The following MTSS2 variants were observed in gnomAD, a reference collection of about 807,000 sequenced individuals.
MTSS2 encodes the protein protein MTSS 2.
A neutral mutation model predicts 67.1 loss-of-function variants in MTSS2; 27 were observed. The observed-to-expected ratio is 0.40, with a 90% confidence interval of 0.30 to 0.55. The LOEUF (loss-of-function observed/expected upper bound fraction) is 0.55, where lower values mean the gene tolerates loss of function less well. MTSS2 is among the 20% of genes least tolerant of loss of function. The probability of loss-of-function intolerance (pLI) is 0.43; values close to 1 mark genes in which losing one functional copy is unlikely to be tolerated. For missense variants in MTSS2, 1,171 were observed against 1,067.8 expected (o/e 1.10, Z -1.35); for synonymous variants, 624 against 468.6 (o/e 1.33, Z -4.28).
chr16:70,667,847 T>G (rs1012985455), intron 11 of MTSS2, among the ~76,000 whole-genome samples: 1 of 151,998 alleles, frequency 6.6e-6, no homozygotes, highest in East Asian at 1.9e-4. Flanking sequence ...CACTCCAGCC[T>G]GGGTGACAGA....
chr16:70,662,660 C>G lies in MTSS2; in HGVS notation c.*1017G>C, dbSNP rs559398662. The G allele has an allele frequency of 6.5e-6, 1 of 152,674 alleles. No homozygotes were observed. Among genetic ancestry groups the G allele is most frequent in the East Asian group, 1.9e-4 (1 of 5,186 alleles). 9.5% of individuals were successfully genotyped at this position (152,674 alleles called of 1,614,324 possible). A position where few individuals can be genotyped will look rare whatever the true frequency, so the allele number is the denominator to read the frequency against. ...CCTTCTCATCCTGCCATAGGACCAC[C>G]GGGGGGTCCCTGTCCCCCAGGCACT... is the stretch of plus-strand genomic sequence containing the variant. On this transcript the variant is annotated 3_prime_UTR_variant, in exon 15 of 15. Coordinates refer to ENST00000338779, the MANE Select transcript of MTSS2 (RefSeq NM_138383.3).
At chr16:70,664,811 C>G (rs2052640779) in intron 13 of MTSS2, 48 bp from the exon 14 acceptor site, 1 of 1,550,962 alleles carries the variant, frequency 6.4e-7, no homozygotes, top group East Asian at 2.4e-5. Flanking sequence ...CCAATCCCCT[C>G]TGCCCAAATT....
chr16:70,683,582 G>T (rs546099195), intron 1 of MTSS2, among the ~76,000 whole-genome samples: 1 of 152,222 alleles, frequency 6.6e-6, no homozygotes, highest in Non-Finnish European at 1.5e-5. Context: ...TATGACCTTT[G>T]GCAAGTCTCT....
In MTSS2 at chr16:70,663,465, G is replaced by C. The variant is rs2052567788; in HGVS notation, c.*212C>G. ...TAAAACAGACCCCGAACCAGGCCCAGGCCTGCAGGCTCCGTCCTGGCCAGG... is the reference window on the plus strand; with the variant it reads ...TAAAACAGACCCCGAACCAGGCCCACGCCTGCAGGCTCCGTCCTGGCCAGG... On this transcript the variant is annotated 3_prime_UTR_variant, in exon 15 of 15. Transcript: ENST00000338779. 6.6e-6 allele frequency: 6 copies of C among 902,980 alleles called. No homozygotes were observed. The highest frequency in any genetic ancestry group is 1.7e-5 in the African/African-American group (1 of 57,890). The allele number at this position is 902,980 out of a possible 1,614,324, so 55.9% of individuals were successfully genotyped here.
intron 14 of MTSS2, 73 bp downstream of exon 14, chr16:70,664,525 G>T (rs548050446): frequency 3.8e-6 from 6 of 1,575,080 alleles, no homozygotes; most frequent in Admixed American, 3.4e-5. Flanking sequence ...GAGCACAGAG[G>T]GGGAAGGACG....
chr16:70,676,958 G>A lies in MTSS2; in HGVS notation c.753C>T (p.Gly251=). Residue 251 remains glycine, a synonymous_variant, in exon 10 of 15, where the codon GGC becomes GGT. Coordinates refer to ENST00000338779, the MANE Select transcript of MTSS2 (RefSeq NM_138383.3). ...TCTGGTAGGACCAGCTGTAGTCCGA[G>A]CCCTTTAGGTCTTTGATTACCTGGA... ...ASEQVIKDLK[G]SDYSWSYQTP... is the part of the protein sequence containing the mutation. The A allele has an allele frequency of 1.2e-6, 2 of 1,613,880 alleles. No homozygotes were observed. Among genetic ancestry groups the A allele is most frequent in the South Asian group, 2.2e-5 (2 of 91,056 alleles).
intron 9 of MTSS2, among the ~76,000 whole-genome samples, chr16:70,677,183 C>T (rs1310620001): frequency 6.6e-6 from 1 of 152,180 alleles, no homozygotes; most frequent in East Asian, 1.9e-4. Context: ...AGCTAACATG[C>T]ACTGAGTAGA....
chr16:70,673,525 G>A (rs1352793776), intron 11 of MTSS2, among the ~76,000 whole-genome samples: 1 of 152,122 alleles, frequency 6.6e-6, no homozygotes, highest in Non-Finnish European at 1.5e-5. Context: ...AAAACTGAGA[G>A]TTTACAACTA....
intron 1 of MTSS2, among the ~76,000 whole-genome samples, chr16:70,684,282 AG>A (rs2053388298): frequency 6.7e-6 from 1 of 149,762 alleles, no homozygotes; most frequent in Non-Finnish European, 1.5e-5. Flanking sequence ...TGATGTCCAC[AG>A]GACAGGTGGG....
chr16:70,668,605 C>T (rs964917771), intron 11 of MTSS2, among the ~76,000 whole-genome samples: 5 of 152,142 alleles, frequency 3.3e-5, no homozygotes, highest in Admixed American at 3.3e-4. Flanking sequence ...CTCCAAATGT[C>T]TATGTCTCCC....
rs889762792 is a variant in MTSS2, at chr16:70,661,333, A to G, written c.*2344T>C. On this transcript the variant is annotated 3_prime_UTR_variant, in exon 15 of 15. Transcript: ENST00000338779. ...GGGAGGAGAGGAGAATTTTTCCAAA[A>G]TCTGACGGAAAGAAAAGAAACAAAT... 1 of 438,812 alleles carries G rather than the reference A, an allele frequency of 2.3e-6. No homozygotes were observed. The highest frequency in any genetic ancestry group is 2.2e-5 in the African/African-American group (1 of 45,524). 27.2% of individuals were successfully genotyped at this position (438,812 alleles called of 1,614,324 possible).
chr16:70,664,587 C>G lies in MTSS2; in HGVS notation c.1471+11G>C, dbSNP rs765398478. On this transcript the variant is annotated intron_variant, in intron 14 of 14. Coordinates refer to ENST00000338779, the MANE Select transcript of MTSS2 (RefSeq NM_138383.3). ...GCTGTCCCTGGTCCCACCCCAGCCC[C>G]GCGGGCCTGCCTTGGGAGGGGATGG... 1.4e-5 allele frequency: 23 copies of G among 1,610,354 alleles called. No individual in the cohort carries two copies. The highest frequency in any genetic ancestry group is 1.9e-5 in the Non-Finnish European group (22 of 1,178,312).
In MTSS2 at chr16:70,663,773, G is replaced by T. The variant is rs1241412047; in HGVS notation, c.2148C>A (p.Ser716Arg). The T allele has an allele frequency of 6.6e-7, 1 of 1,519,642 alleles. No homozygotes were observed. The highest frequency in any genetic ancestry group is 8.8e-7 in the Non-Finnish European group (1 of 1,135,206). The allele number at this position is 1,519,642 out of a possible 1,614,324, so 94.1% of individuals were successfully genotyped here. The change falls in exon 15 of 15, where the codon AGC becomes AGA. Residue 716 changes from serine to arginine, a missense_variant. By Grantham distance (110) the Ser-to-Arg change is moderately radical (BLOSUM62 -1). This residue lies in a region of MTSS2 where 924 missense variants were observed against 756.0 expected (regional missense o/e 1.22). Transcript: ENST00000338779. ...CCAGCATGTCTTCGGCCGGGGGGTCGCTGGTGGCGGCTGGGGGTGGGGTGG... is the reference window on the plus strand; with the variant it reads ...CCAGCATGTCTTCGGCCGGGGGGTCTCTGGTGGCGGCTGGGGGTGGGGTGG... ...ETPTPPPAATSDPPAEDMLVA... is the reference protein window; with the variant it reads ...ETPTPPPAATRDPPAEDMLVA...
At chr16:70,678,521 GCCCT>G (rs2053194648) in intron 7 of MTSS2, 112 bp from the exon 8 acceptor site, 1 of 1,320,382 alleles carries the variant, frequency 7.6e-7, no homozygotes, top group Non-Finnish European at 1.0e-6. Context: ...GCTGGGTGTT[GCCCT>G]GGGGCCAGGG....
intron 10 of MTSS2, among the ~76,000 whole-genome samples, chr16:70,675,848 A>G (rs1027323215): frequency 2.0e-5 from 3 of 151,722 alleles, no homozygotes; most frequent in Admixed American, 6.6e-5. Context: ...ACCCACCATC[A>G]CCCTCACTCT....
At chr16:70,675,581 A>AT (rs1182200644) in intron 10 of MTSS2, among the ~76,000 whole-genome samples, 7 of 152,068 alleles carry the variant, frequency 4.6e-5, no homozygotes, top group Non-Finnish European at 7.4e-5. Context: ...TGCCCGGCTA[A>AT]TTTTTTTGTA....
At chr16:70,665,737 C>T in intron 11 of MTSS2, 197 bp from the exon 12 acceptor site, 1 of 540,368 alleles carries the variant, frequency 1.9e-6, no homozygotes, top group Non-Finnish European at 3.3e-6. Context: ...GCCCAGAGTG[C>T]ACACGGTGAA....
chr16:70,669,762 A>T (rs1394603794), intron 11 of MTSS2, among the ~76,000 whole-genome samples: 3 of 149,830 alleles, frequency 2.0e-5, no homozygotes, highest in African/African-American at 7.4e-5. Flanking sequence ...GGTTGCAGTG[A>T]GCTGAGATCA....
intron 11 of MTSS2, among the ~76,000 whole-genome samples, chr16:70,666,102 G>C (rs867281474): frequency 3.8e-4 from 58 of 152,200 alleles, no homozygotes; most frequent in Middle Eastern, 3.2e-3. Context: ...AGTGCAGTTA[G>C]ACAAGATTCA....
Sources: gnomAD v4.1 joint callset for allele counts (sites outside exome capture counted in the v4.1 genomes callset) on GRCh38, gnomAD v4.1.1 for gene constraint, gnomAD v4.1.1 regional missense constraint, MANE v1.5 for transcripts, NCBI Gene and HGNC (gene_info 2026-07-23, HGNC 2026-07-21) for gene names.